CEP126: variants seen among roughly 807,000 people sequenced by gnomAD.
CEP126 encodes the protein centrosomal protein 126, also known as centrosomal protein of 126 kDa.
A neutral mutation model predicts 107.8 loss-of-function variants in CEP126; 74 were observed. The observed-to-expected ratio is 0.69, with a 90% CI of 0.57 to 0.83. CEP126 has a LOEUF of 0.83. Among genes scored for constraint, CEP126 ranks in the 40% least tolerant of loss-of-function variants. The pLI is 0.00. For missense variants in CEP126, 1,237 were observed against 1,281.9 expected (o/e 0.96, Z 0.53); for synonymous variants, 449 against 446.0 (o/e 1.01, Z -0.08).
chr11:101,997,922 G>A lies in CEP126; in HGVS notation c.*279G>A, dbSNP rs549722807. The A allele has an allele frequency of 1.9e-4, 63 of 335,992 alleles. No individual in the cohort carries two copies. In the East Asian group the frequency reaches 2.8e-3, roughly 15 times the overall value. The allele number at this position is 335,992 out of a possible 1,614,324, so 20.8% of individuals were successfully genotyped here. A position where few individuals can be genotyped will look rare whatever the true frequency, so the allele number is the denominator to read the frequency against. On this transcript the variant is annotated 3_prime_UTR_variant, in exon 11 of 11. Transcript: ENST00000263468. ...TCTGAATACATGCCACAAGGATGAA[G>A]CTTGTGAGTAGAGCAAACAAACGTT... is the stretch of plus-strand genomic sequence containing the variant.
intron 4 of CEP126, chr11:101,956,074 A>T (rs779526528): frequency 7.9e-5 from 36 of 456,506 alleles, no homozygotes; most frequent in Admixed American, 6.3e-4. Flanking sequence ...TCCCTCGTCT[A>T]CCAGCACCAA....
At chr11:101,955,984 A>G (rs1184823784) in intron 4 of CEP126, 3 of 456,398 alleles carry the variant, frequency 6.6e-6, no homozygotes, top group Non-Finnish European at 1.3e-5. Flanking sequence ...AGACCTTTGC[A>G]CCAGTCCCAT....
intron 2 of CEP126, among the ~76,000 whole-genome samples, chr11:101,931,449 A>C (rs1940498154): frequency 6.6e-6 from 1 of 152,192 alleles, no homozygotes; most frequent in African/African-American, 2.4e-5. Flanking sequence ...TTTGACAGGC[A>C]ATGAAAACTC....
At position 101,986,828 on chromosome 11, in the gene CEP126, G is replaced by A; in HGVS notation, c.3035-4G>A. ...CAAAGAATAACTGATGTAAGTTTCT[G>A]TAGTTTCAGATAGTACTTCTGAGTT... On this transcript the variant is annotated splice_region_variant and splice_polypyrimidine_tract_variant and intron_variant, in intron 8 of 10. Transcript: ENST00000263468. 1.2e-6 allele frequency: 2 copies of A among 1,611,614 alleles called. No individual in the cohort carries two copies. Among genetic ancestry groups the A allele is most frequent in the Non-Finnish European group, 1.7e-6 (2 of 1,177,988 alleles).
intron 1 of CEP126, 77 bp from the exon 2 acceptor site, chr11:101,922,564 G>A: frequency 9.0e-7 from 1 of 1,114,818 alleles, no homozygotes; most frequent in Non-Finnish European, 1.3e-6. Flanking sequence ...TGAGGCTGTA[G>A]TTATATTTAT....
chr11:101,978,032 A>G (rs1376831549), intron 6 of CEP126, among the ~76,000 whole-genome samples: 1 of 152,238 alleles, frequency 6.6e-6, no homozygotes, highest in Admixed American at 6.5e-5. Context: ...GATAATAAAT[A>G]TGAATTGGAA....
chr11:101,938,169 A>AAAAAAAAAAAAAAAAAAAC (rs1565353082), intron 2 of CEP126, among the ~76,000 whole-genome samples: 1 of 143,854 alleles, frequency 7.0e-6, no homozygotes, highest in African/African-American at 2.6e-5. Context: ...CAAAAAAAAA[A>AAAAAAAAAAAAAAAAAAAC]AAAAAAATAC....
At position 101,986,880 on chromosome 11, in the gene CEP126, C is replaced by T; in HGVS notation, c.3083C>T (p.Ala1028Val). 2 of 1,613,780 alleles carry T rather than the reference C, an allele frequency of 1.2e-6. No homozygotes were observed. The highest frequency in any genetic ancestry group is 8.5e-7 in the Non-Finnish European group (1 of 1,179,830). The change falls in exon 9 of 11, where the codon GCA (alanine) becomes GTA (valine). Residue 1028 changes from alanine (A) to valine (V), a missense_variant. Physicochemically the swap from Ala to Val is moderately conservative, Grantham distance 64. Around this residue, in one of 3 missense-constraint regions of CEP126, gnomAD observed 99 missense variants for 114.4 expected, o/e 0.87. Transcript: ENST00000263468. ...TTGATGGCTGAAAACTTAGTGAAAG[C>T]ATCAGTGCCGGAGGATGAGATTCTG... ...EFLMAENLVK[A>V]SVPEDEILTV...
At position 101,946,973 on chromosome 11, in the gene CEP126, T is replaced by C. The variant is rs149703355; in HGVS notation, c.395-1058T>C. Among the ~76,000 whole-genome samples the C allele has an allele frequency of 1.1e-4, 17 of 152,320 alleles. No homozygotes were observed. The East Asian group carries it at 3.3e-3, about 29-fold the overall frequency. ...TTAAATTATTTATTACTTTGATAGA[T>C]GCATCCTTTATGATGTGAATATCAG... On this transcript the variant is annotated intron_variant, in intron 3 of 10. Coordinates refer to ENST00000263468, the MANE Select transcript of CEP126 (RefSeq NM_020802.4).
intron 6 of CEP126, among the ~76,000 whole-genome samples, chr11:101,970,944 A>G (rs944775167): frequency 2.6e-5 from 4 of 152,128 alleles, no homozygotes; most frequent in African/African-American, 9.7e-5. Flanking sequence ...TTATGATTCT[A>G]TGTTCTTAAC....
At chr11:101,952,271 G>A (rs1015937523) in intron 4 of CEP126, among the ~76,000 whole-genome samples, 10 of 152,156 alleles carry the variant, frequency 6.6e-5, no homozygotes, top group African/African-American at 1.9e-4. Context: ...AAAAGAAGCC[G>A]TGAGTTAGAT....
chr11:101,963,315 A>G lies in CEP126; in HGVS notation c.2280A>G (p.Pro760=), dbSNP rs1941008326. The G allele has an allele frequency of 7.4e-6, 12 of 1,613,910 alleles. No homozygotes were observed. Among genetic ancestry groups the G allele is most frequent in the Non-Finnish European group, 9.3e-6 (11 of 1,179,972 alleles). Residue 760 remains proline, a synonymous_variant, in exon 6 of 11, where the codon CCA becomes CCG. Transcript: ENST00000263468. ...QRGRAKIIRK[P]GSAKVQSGFI... ...GTAGAGCAAAAATAATTAGAAAACC[A>G]GGATCTGCAAAAGTCCAATCAGGCT...
rs769680952 is a variant in CEP126 at position 101,963,330 on chromosome 11, C to A, written c.2295C>A (p.Val765=). 3.1e-6 allele frequency: 5 copies of A among 1,613,732 alleles called. No homozygotes were observed. In the Admixed American group the frequency reaches 8.3e-5, roughly 27 times the overall value. Reference sequence around the variant, plus strand: ...TTAGAAAACCAGGATCTGCAAAAGTCCAATCAGGCTTTATATGTACAAACA... The same window carrying A: ...TTAGAAAACCAGGATCTGCAAAAGTACAATCAGGCTTTATATGTACAAACA... ...KIIRKPGSAK[V]QSGFICTNRK... is the part of the protein sequence containing the mutation. Residue 765 remains valine, a synonymous_variant, in exon 6 of 11, where the codon GTC becomes GTA. Transcript: ENST00000263468.
At position 101,962,971 on chromosome 11, in the gene CEP126, A is replaced by T. The variant is rs1353666077; in HGVS notation, c.1936A>T (p.Ser646Cys). The change falls in exon 6 of 11, where the codon AGT becomes TGT. Residue 646 changes from serine (S) to cysteine (C), a missense_variant. By Grantham distance (112) the Ser-to-Cys change is moderately radical. This residue lies in a region of CEP126 where 1,134 missense variants were observed against 1,150.5 expected (regional missense o/e 0.99). Coordinates refer to ENST00000263468, the MANE Select transcript of CEP126 (RefSeq NM_020802.4). ...CAATATAGAAAACAATGCTGAAAAC[A>T]GTCATTCACTGAAGAATAAAACAGG... is the stretch of plus-strand genomic sequence containing the variant. ...TSNIENNAEN[S>C]HSLKNKTGTT... 2 of 1,612,006 alleles carry T rather than the reference A, an allele frequency of 1.2e-6. No homozygotes were observed. Among genetic ancestry groups the T allele is most frequent in the Admixed American group, 1.7e-5 (1 of 59,512 alleles).
chr11:101,936,126 T>G (rs182220644), intron 2 of CEP126, among the ~76,000 whole-genome samples: 50 of 152,246 alleles, frequency 3.3e-4, no homozygotes, highest in African/African-American at 1.2e-3. Flanking sequence ...CAATTCTAAT[T>G]GCATTAATAA....
intron 5 of CEP126, among the ~76,000 whole-genome samples, chr11:101,960,500 T>C (rs1940956451): frequency 6.6e-6 from 1 of 152,208 alleles, no homozygotes; most frequent in South Asian, 2.1e-4. Context: ...GAAGTAGCTA[T>C]GCTTTGTTTT....
chr11:101,932,451 A>G (rs1056444252), intron 2 of CEP126, among the ~76,000 whole-genome samples: 1 of 152,152 alleles, frequency 6.6e-6, no homozygotes, highest in African/African-American at 2.4e-5. Context: ...AACAATATGA[A>G]ATGATGGTGA....
Position 101,915,406 on chromosome 11 carries a change from C to T in CEP126, c.122C>T (p.Ser41Phe). Residue 41 changes from serine (S) to phenylalanine (F), a missense_variant, in exon 1 of 11, where the codon TCT becomes TTT. By Grantham distance (155) the Ser-to-Phe change is radical. Transcript: ENST00000263468. ...AGCGGCGGGCATCACCGACCTGGCT[C>T]TTACCTGTATCCTTCCCAGCCTGTG... is the stretch of plus-strand genomic sequence containing the variant. The part of the protein sequence containing the change: ...RESGGHHRPG[S>F]YLDMKIHLEK... 2.5e-6 allele frequency: 4 copies of T among 1,613,048 alleles called. No individual in the cohort carries two copies. The highest frequency in any genetic ancestry group is 3.4e-6 in the Non-Finnish European group (4 of 1,179,614).
chr11:101,966,845 G>T (rs1030207978), intron 6 of CEP126, among the ~76,000 whole-genome samples: 1 of 151,940 alleles, frequency 6.6e-6, no homozygotes, highest in African/African-American at 2.4e-5. Flanking sequence ...ATTGCATGAT[G>T]CTAAGGTTTG....
Sources: gnomAD v4.1 joint callset for allele counts (sites outside exome capture counted in the v4.1 genomes callset) on GRCh38, gnomAD v4.1.1 for gene constraint, gnomAD v4.1.1 regional missense constraint, MANE v1.5 for transcripts, NCBI Gene and HGNC (gene_info 2026-07-23, HGNC 2026-07-21) for gene names.